The following UST variants were observed in gnomAD, a reference collection of about 807,000 sequenced individuals.
UST encodes the protein uronyl 2-sulfotransferase.
UST carries 21 observed loss-of-function variants against 45.6 expected under a neutral mutation model. The observed-to-expected ratio is 0.46, with a 90% CI of 0.33 to 0.66. The LOEUF is 0.66. Among genes scored for constraint, UST ranks in the 30% least tolerant of loss-of-function variants. The pLI is 0.02. For missense variants in UST, 463 were observed against 512.4 expected, an observed-to-expected ratio of 0.90 and a Z score of 0.93; for synonymous variants, 215 against 200.6, an observed-to-expected ratio of 1.07 and a Z score of -0.61.
intron 2 of UST, among the ~76,000 whole-genome samples, chr6:148,922,616 G>A (rs928958394): frequency 4.5e-5 from 6 of 134,382 alleles, no homozygotes; most frequent in Admixed American, 3.7e-4. Flanking sequence ...AGCCTCCTCA[G>A]TACCTAGGAG....
intron 1 of UST, among the ~76,000 whole-genome samples, chr6:148,757,745 G>A (rs897829557): frequency 3.3e-5 from 5 of 152,172 alleles, no homozygotes; most frequent in African/African-American, 1.2e-4. Context: ...TAATCTTGAT[G>A]AAAGAAAAAT....
At chr6:148,889,714 G>A (rs911121323) in intron 2 of UST, among the ~76,000 whole-genome samples, 1 of 152,008 alleles carries the variant, frequency 6.6e-6, no homozygotes, top group Non-Finnish European at 1.5e-5. Context: ...TTTTTCCTTG[G>A]TGGCCAGCCT....
intron 1 of UST, among the ~76,000 whole-genome samples, chr6:148,798,428 T>G (rs1158006651): frequency 6.6e-6 from 1 of 152,052 alleles, no homozygotes; most frequent in Non-Finnish European, 1.5e-5. Flanking sequence ...GCAGGTGGGT[T>G]GGGTTTTCTC....
rs1362520510 is a variant in UST, at chr6:149,075,106, A to G, written c.*990A>G. 6.6e-6 allele frequency: 1 copy of G among 152,220 alleles called. No individual in the cohort carries two copies. The highest frequency in any genetic ancestry group is 1.5e-5 in the Non-Finnish European group (1 of 68,060). The allele number at this position is 152,220 out of a possible 1,614,324, so 9.4% of individuals were successfully genotyped here. Reference sequence around the variant, plus strand: ...CATGGCTGTGTCTTTTGCACCCAATATGAAACATCTTCTCCCAACACTGCT... The same window carrying G: ...CATGGCTGTGTCTTTTGCACCCAATGTGAAACATCTTCTCCCAACACTGCT... On this transcript the variant is annotated 3_prime_UTR_variant, in exon 8 of 8. Transcript: ENST00000367463.
At chr6:148,842,270 A>T (rs1172889067) in intron 1 of UST, among the ~76,000 whole-genome samples, 1 of 152,232 alleles carries the variant, frequency 6.6e-6, no homozygotes, top group Non-Finnish European at 1.5e-5. Flanking sequence ...GGTAGGCCTC[A>T]GTTAATTTGT....
chr6:149,019,343 T>C (rs1775948742), intron 6 of UST, 107 bp downstream of exon 6: 4 of 793,330 alleles, frequency 5.0e-6, no homozygotes, highest in Non-Finnish European at 8.7e-6. Context: ...TCTCTCAACC[T>C]TCTGGAATTC....
chr6:148,973,151 A>G (rs1410191561), intron 5 of UST, among the ~76,000 whole-genome samples: 1 of 152,216 alleles, frequency 6.6e-6, no homozygotes, highest in Non-Finnish European at 1.5e-5. Flanking sequence ...AGGTTTGATG[A>G]TATAGTGCAA....
At chr6:148,793,440 C>T (rs1776890303) in intron 1 of UST, among the ~76,000 whole-genome samples, 1 of 152,192 alleles carries the variant, frequency 6.6e-6, no homozygotes, top group Non-Finnish European at 1.5e-5. Flanking sequence ...AACCCCCCTC[C>T]TCACCCTCCA....
chr6:148,848,763 T>C (rs192805226), intron 1 of UST, among the ~76,000 whole-genome samples: 26 of 151,922 alleles, frequency 1.7e-4, no homozygotes, highest in Non-Finnish European at 3.4e-4. Context: ...GAGAGAGACA[T>C]ATGACAAGAA....
intron 1 of UST, among the ~76,000 whole-genome samples, chr6:148,837,785 T>G (rs1270385164): frequency 1.3e-5 from 2 of 151,178 alleles, no homozygotes; most frequent in African/African-American, 2.4e-5. Flanking sequence ...AGCCTCAACC[T>G]CCACCTCCCT....
intron 1 of UST, among the ~76,000 whole-genome samples, chr6:148,875,775 G>A (rs562687561): frequency 3.3e-5 from 5 of 152,324 alleles, no homozygotes; most frequent in African/African-American, 9.6e-5. Flanking sequence ...CTGCGCTCCC[G>A]CTTCGGCGAC....
chr6:148,791,973 A>G (rs1776857709), intron 1 of UST, among the ~76,000 whole-genome samples: 1 of 152,164 alleles, frequency 6.6e-6, no homozygotes, highest in African/African-American at 2.4e-5. Flanking sequence ...CCACTCTCAA[A>G]TAGTCTAATC....
intron 5 of UST, among the ~76,000 whole-genome samples, chr6:148,998,557 C>T (rs952727441): frequency 1.3e-5 from 2 of 152,174 alleles, no homozygotes; most frequent in African/African-American, 4.8e-5. Context: ...TTGTAGCCCC[C>T]ATAGGATGCA....
chr6:148,747,316 C>A lies in UST; in HGVS notation c.-115C>A. The stretch of plus-strand genomic sequence containing the variant: ...TCGGCCCCTCCCCGCCCCCACCCGG[C>A]TGCCCTCCGCGCGGCCCTCCCCATG... On this transcript the variant is annotated 5_prime_UTR_variant, in exon 1 of 8. The change creates a new upstream start codon in the 5' untranslated region. Transcript: ENST00000367463. 1 of 1,264,056 alleles carries A rather than the reference C, an allele frequency of 7.9e-7. No homozygotes were observed. Among genetic ancestry groups the A allele is most frequent in the Non-Finnish European group, 1.0e-6 (1 of 985,404 alleles). The allele number at this position is 1,264,056 out of a possible 1,614,324, so 78.3% of individuals were successfully genotyped here. A position where few individuals can be genotyped will look rare whatever the true frequency, so the allele number is the denominator to read the frequency against.
intron 1 of UST, among the ~76,000 whole-genome samples, chr6:148,856,876 A>G (rs1778214869): frequency 1.3e-5 from 2 of 151,926 alleles, no homozygotes; most frequent in Admixed American, 1.3e-4. Context: ...GAGGAAAATC[A>G]GAGATAACAT....
chr6:148,966,040 A>G (rs1780789782), intron 5 of UST, among the ~76,000 whole-genome samples: 1 of 151,928 alleles, frequency 6.6e-6, no homozygotes, highest in Admixed American at 6.5e-5. Flanking sequence ...CCTGGCCAAC[A>G]TGGTGAAAAC....
intron 1 of UST, among the ~76,000 whole-genome samples, chr6:148,843,469 GC>G (rs1408470300): frequency 6.6e-6 from 1 of 152,196 alleles, no homozygotes; most frequent in African/African-American, 2.4e-5. Flanking sequence ...TTTTTCTGTA[GC>G]CTTTCCCAAA....
chr6:148,806,276 A>G (rs1368351840), intron 1 of UST, among the ~76,000 whole-genome samples: 1 of 152,148 alleles, frequency 6.6e-6, no homozygotes, highest in African/African-American at 2.4e-5. Flanking sequence ...TCATGTCGAT[A>G]TTATTTTAAA....
intron 2 of UST, among the ~76,000 whole-genome samples, chr6:148,930,740 G>A (rs1182691729): frequency 6.6e-6 from 1 of 152,184 alleles, no homozygotes; most frequent in African/African-American, 2.4e-5. Flanking sequence ...GGGATAGGAA[G>A]AGGTGTGACT....
Sources: allele counts gnomAD v4.1 joint callset (sites outside exome capture counted in the v4.1 genomes callset), GRCh38; gene constraint gnomAD v4.1.1; transcripts MANE v1.5; gene names NCBI Gene and HGNC (gene_info 2026-07-23, HGNC 2026-07-21).